Variants in MAF observed in about 807,000 individuals in gnomAD.
MAF encodes the protein MAF bZIP transcription factor, also known as transcription factor Maf.
In MAF, 10 loss-of-function variants were observed where a neutral mutation model predicts 22.0. The ratio of observed to expected loss-of-function variants is 0.45; its 90% confidence interval spans 0.28 to 0.77. MAF has a LOEUF of 0.77. Ranked by LOEUF, MAF falls within the 30% of genes least tolerant of loss-of-function variation. The pLI is 0.12. For synonymous variants in MAF, 337 were observed against 255.8 expected, an observed-to-expected ratio of 1.32 and a Z score of -3.03; for missense variants, 544 against 548.4, an observed-to-expected ratio of 0.99 and a Z score of 0.08.
chr16:79,573,555 T>A, the MAF span, among the ~76,000 whole-genome samples: 4 of 152,230 alleles, frequency 2.6e-5, no homozygotes, highest in African/African-American at 9.6e-5. Flanking sequence ...CAATAATAAA[T>A]CTTGAAAGCA....
the MAF span, among the ~76,000 whole-genome samples, chr16:79,523,228 T>A: frequency 6.6e-6 from 1 of 152,222 alleles, no homozygotes; most frequent in Non-Finnish European, 1.5e-5. Flanking sequence ...CTTCTAGCCA[T>A]GATTGTTCTA....
the MAF span, among the ~76,000 whole-genome samples, chr16:79,290,560 C>T: frequency 1.3e-5 from 2 of 151,806 alleles, no homozygotes; most frequent in East Asian, 4.0e-4. Context: ...CATGCTGCGA[C>T]GTGTGTGTAC....
At chr16:79,584,005 G>T (rs947126537), downstream of MAF, among the ~76,000 whole-genome samples, 5 of 152,122 alleles carry the variant, frequency 3.3e-5, no homozygotes, top group African/African-American at 1.2e-4. Flanking sequence ...TCAGGATCAA[G>T]GGATGCTACT....
the MAF span, among the ~76,000 whole-genome samples, chr16:79,258,039 A>G: frequency 6.6e-6 from 1 of 152,174 alleles, no homozygotes. Flanking sequence ...TTAAGTACAA[A>G]TGGCCAGATA....
chr16:79,209,207 C>G, the MAF span, among the ~76,000 whole-genome samples: 42 of 152,278 alleles, frequency 2.8e-4, no homozygotes, highest in African/African-American at 9.1e-4. Flanking sequence ...TGAAATGAAG[C>G]CAGTTGTAAT....
At chr16:79,524,445 T>C in the MAF span, among the ~76,000 whole-genome samples, 19 of 152,324 alleles carry the variant, frequency 1.2e-4, no homozygotes, top group East Asian at 3.7e-3. Flanking sequence ...TATTCCTGTC[T>C]GGTCAGCCAA....
chr16:79,338,182 G>A, the MAF span, among the ~76,000 whole-genome samples: 1 of 152,216 alleles, frequency 6.6e-6, no homozygotes, highest in Non-Finnish European at 1.5e-5. Context: ...TGCATATATG[G>A]AGACAAGGGC....
the MAF span, among the ~76,000 whole-genome samples, chr16:79,399,846 T>C: frequency 6.6e-6 from 1 of 152,214 alleles, no homozygotes; most frequent in Non-Finnish European, 1.5e-5. Flanking sequence ...CTTACTTAAT[T>C]ATTCATAGTC....
At chr16:79,410,273 G>T in the MAF span, among the ~76,000 whole-genome samples, 1 of 152,172 alleles carries the variant, frequency 6.6e-6, no homozygotes, top group Non-Finnish European at 1.5e-5. Context: ...TGAATCTGTT[G>T]TGATTCTGGG....
intron 1 of MAF, chr16:79,598,364 T>TGCAG: frequency 4.4e-6 from 5 of 1,132,992 alleles, no homozygotes; most frequent in Non-Finnish European, 4.3e-6. Context: ...ATGTGAATGA[T>TGCAG]GCAGGCTTCA....
At chr16:79,453,735 A>T in the MAF span, among the ~76,000 whole-genome samples, 2 of 152,210 alleles carry the variant, frequency 1.3e-5, no homozygotes, top group Non-Finnish European at 2.9e-5. Context: ...GAACAGCACC[A>T]ATAGAACGTC....
the MAF span, among the ~76,000 whole-genome samples, chr16:79,216,301 T>G: frequency 6.6e-6 from 1 of 152,122 alleles, no homozygotes; most frequent in Non-Finnish European, 1.5e-5. Context: ...GCATTATAGA[T>G]GTATAACACA....
chr16:79,219,706 T>C, the MAF span, among the ~76,000 whole-genome samples: 1 of 152,142 alleles, frequency 6.6e-6, no homozygotes, highest in South Asian at 2.1e-4. Flanking sequence ...AGGCCATTTG[T>C]CTCTGACCCC....
the MAF span, among the ~76,000 whole-genome samples, chr16:79,419,980 C>G: frequency 1.3e-5 from 2 of 150,948 alleles, no homozygotes; most frequent in Admixed American, 1.3e-4. Flanking sequence ...TGAATTCAGA[C>G]AATTTTTCAG....
chr16:79,442,601 G>C, the MAF span, among the ~76,000 whole-genome samples: 55 of 151,786 alleles, frequency 3.6e-4, no homozygotes, highest in South Asian at 0.011. Flanking sequence ...ACATACAGTG[G>C]TGCAGCACGA....
chr16:79,385,570 G>A, the MAF span, among the ~76,000 whole-genome samples: 1 of 152,192 alleles, frequency 6.6e-6, no homozygotes, highest in African/African-American at 2.4e-5. Flanking sequence ...TTTACACGTT[G>A]TGTTCTTAAT....
At chr16:79,309,917 T>C in the MAF span, among the ~76,000 whole-genome samples, 1 of 152,200 alleles carries the variant, frequency 6.6e-6, no homozygotes. Flanking sequence ...CTCCAAGGAC[T>C]TAGAAAATTG....
chr16:79,207,631 G>C, the MAF span, among the ~76,000 whole-genome samples: 1 of 152,144 alleles, frequency 6.6e-6, no homozygotes, highest in African/African-American at 2.4e-5. Flanking sequence ...ATATCTCATA[G>C]TTAAGTCTAC....
At chr16:79,226,010 C>G in the MAF span, among the ~76,000 whole-genome samples, 2 of 152,078 alleles carry the variant, frequency 1.3e-5, no homozygotes, top group African/African-American at 4.8e-5. Context: ...ACCATTTGAC[C>G]CAGCAATCCC....
Sources: allele counts gnomAD v4.1 joint callset (sites outside exome capture counted in the v4.1 genomes callset), GRCh38; gene constraint gnomAD v4.1.1; transcripts MANE v1.5; gene names NCBI Gene and HGNC (gene_info 2026-07-23, HGNC 2026-07-21).